The following NEMF variants were observed in gnomAD, a reference collection of about 807,000 sequenced individuals.
The protein encoded by NEMF is ribosome quality control complex subunit NEMF.
NEMF carries 89 observed loss-of-function variants against 162.2 expected under a neutral mutation model. That is an observed-to-expected ratio of 0.55 (90% confidence interval 0.46 to 0.65). The LOEUF (loss-of-function observed/expected upper bound fraction) is 0.65, where lower values mean the gene tolerates loss of function less well. Among genes scored for constraint, NEMF ranks in the 30% least tolerant of loss-of-function variants. NEMF has a pLI of 0.00. For missense variants in NEMF, 1,133 were observed against 1,261.9 expected (o/e 0.90, Z 1.55); for synonymous variants, 421 against 404.5 (o/e 1.04, Z -0.49).
chr14:49,799,024 G>A (rs1890822897), intron 25 of NEMF, among the ~76,000 whole-genome samples: 1 of 151,754 alleles, frequency 6.6e-6, no homozygotes, highest in Non-Finnish European at 1.5e-5. Context: ...GACCAGCCTG[G>A]GCAACATGAT....
Position 49,799,633 on chromosome 14 carries a change from T to C in NEMF, c.2415+3A>G. ...GTTCTTCATAAAACTGAAAATAGCT[T>C]ACAGAATTAGAAGATTCCTCTTTTG... On this transcript the variant is annotated splice_donor_region_variant and intron_variant, in intron 24 of 32. Coordinates refer to ENST00000298310, the MANE Select transcript of NEMF (RefSeq NM_004713.6). 6.2e-7 allele frequency: 1 copy of C among 1,609,266 alleles called. No individual in the cohort carries two copies. Among genetic ancestry groups the C allele is most frequent in the Non-Finnish European group, 8.5e-7 (1 of 1,178,656 alleles).
chr14:49,840,714 T>C lies in NEMF; in HGVS notation c.506+4A>G, dbSNP rs1195752635. The C allele has an allele frequency of 6.2e-7, 1 of 1,609,944 alleles. No individual in the cohort carries two copies. On this transcript the variant is annotated splice_donor_region_variant and intron_variant, in intron 5 of 32. Transcript: ENST00000298310. ...GAAATGGGTTTAAAAACAAAACACT[T>C]TACCTTTCCAAAGTAAGCAAAGGTT... is the stretch of plus-strand genomic sequence containing the variant.
chr14:49,788,307 G>A (rs1281160536), intron 28 of NEMF, among the ~76,000 whole-genome samples: 4 of 141,894 alleles, frequency 2.8e-5, no homozygotes, highest in Non-Finnish European at 6.1e-5. Context: ...TTCAAGAAGA[G>A]GTACATATTC....
chr14:49,838,992 T>G (rs1489206277), intron 5 of NEMF, among the ~76,000 whole-genome samples: 1 of 152,084 alleles, frequency 6.6e-6, no homozygotes, highest in Non-Finnish European at 1.5e-5. Flanking sequence ...CTAGACTAGA[T>G]CTACTGAATT....
chr14:49,806,194 T>TGAAAA, intron 18 of NEMF, 61 bp from the exon 19 acceptor site: 2 of 986,876 alleles, frequency 2.0e-6, no homozygotes, highest in South Asian at 2.7e-5. Flanking sequence ...GAGCAAGATA[T>TGAAAA]GAAAATCACA....
chr14:49,806,832 G>A (rs967817142), intron 18 of NEMF, among the ~76,000 whole-genome samples: 1 of 152,116 alleles, frequency 6.6e-6, no homozygotes, highest in Non-Finnish European at 1.5e-5. Flanking sequence ...GAGCATATAT[G>A]AATAACATGT....
At chr14:49,845,309 G>C (rs913598595) in intron 4 of NEMF, among the ~76,000 whole-genome samples, 3 of 151,926 alleles carry the variant, frequency 2.0e-5, no homozygotes. Flanking sequence ...GGCCAGGCTG[G>C]TCTTGAACTC....
At chr14:49,821,805 GA>G (rs1892073153) in intron 16 of NEMF, among the ~76,000 whole-genome samples, 2 of 151,978 alleles carry the variant, frequency 1.3e-5, no homozygotes, top group East Asian at 2.0e-4. Context: ...CGTCTGGGAG[GA>G]GGTACCCAAC....
At chr14:49,827,781 C>T (rs1033729923) in intron 15 of NEMF, among the ~76,000 whole-genome samples, 2 of 151,722 alleles carry the variant, frequency 1.3e-5, no homozygotes, top group African/African-American at 2.4e-5. Flanking sequence ...CCATTGCACT[C>T]CAGCCTGAGC....
intron 18 of NEMF, among the ~76,000 whole-genome samples, chr14:49,813,402 A>T (rs1891570498): frequency 6.6e-6 from 1 of 152,190 alleles, no homozygotes; most frequent in African/African-American, 2.4e-5. Context: ...AGTATTCTAG[A>T]GATGTCTGTT....
intron 4 of NEMF, among the ~76,000 whole-genome samples, chr14:49,841,584 A>G (rs930565750): frequency 5.5e-4 from 81 of 148,490 alleles, no homozygotes; most frequent in Non-Finnish European, 9.4e-4. Flanking sequence ...TTAAGAAAAA[A>G]AAAAAAAAAA....
chr14:49,803,489 G>GA (rs1030361593), intron 19 of NEMF, among the ~76,000 whole-genome samples, 195 bp from the exon 20 acceptor site: 1 of 147,794 alleles, frequency 6.8e-6, no homozygotes. Context: ...AAGTAACAAA[G>GA]AAAAAAACAA....
intron 19 of NEMF, among the ~76,000 whole-genome samples, chr14:49,804,679 A>AT (rs397820272): frequency 3.3e-5 from 5 of 150,302 alleles, no homozygotes; most frequent in Non-Finnish European, 7.4e-5. Flanking sequence ...AAAAAAAAAA[A>AT]TTTATACATC....
At chr14:49,818,403 T>G (rs937451501) in intron 16 of NEMF, 3 of 152,144 alleles carry the variant, frequency 2.0e-5, no homozygotes, top group Admixed American at 6.6e-5. Flanking sequence ...TGATCAGACT[T>G]AAGAAGCTGA....
chr14:49,836,633 G>C (rs143956056), intron 6 of NEMF, among the ~76,000 whole-genome samples: 8 of 152,014 alleles, frequency 5.3e-5, no homozygotes, highest in African/African-American at 1.7e-4. Flanking sequence ...GCAACAGAGC[G>C]AGACCCTTGG....
At chr14:49,841,755 T>C (rs996886498) in intron 4 of NEMF, among the ~76,000 whole-genome samples, 4 of 152,140 alleles carry the variant, frequency 2.6e-5, no homozygotes, top group South Asian at 2.1e-4. Context: ...TTTGGTAATG[T>C]AGCCCAATGA....
chr14:49,816,659 C>T (rs964669571), intron 16 of NEMF, among the ~76,000 whole-genome samples: 1 of 152,180 alleles, frequency 6.6e-6, no homozygotes, highest in African/African-American at 2.4e-5. Context: ...TGTTGAAATA[C>T]TGGAGGTGGG....
In NEMF at chr14:49,800,728, G is replaced by C. The variant is rs1209468231; in HGVS notation, c.2096-32C>G. ...AATTATCATAAGGAAAGTCAGTGTGGGACTACCAACCAAGCCAGGTGATTT... is the reference window on the plus strand; with the variant it reads ...AATTATCATAAGGAAAGTCAGTGTGCGACTACCAACCAAGCCAGGTGATTT... On this transcript the variant is annotated intron_variant, in intron 22 of 32. Coordinates refer to ENST00000298310, the MANE Select transcript of NEMF (RefSeq NM_004713.6). 3.8e-6 allele frequency: 6 copies of C among 1,587,302 alleles called. No homozygotes were observed. In the African/African-American group the frequency reaches 5.4e-5, roughly 14 times the overall value.
At chr14:49,786,053 T>C (rs1296725093) in intron 29 of NEMF, 1 of 152,414 alleles carries the variant, frequency 6.6e-6, no homozygotes, top group Non-Finnish European at 1.5e-5. Context: ...CCTGGGGAGA[T>C]TCTGCCCTCA....
Sources: allele counts gnomAD v4.1 joint callset (sites outside exome capture counted in the v4.1 genomes callset), GRCh38; gene constraint gnomAD v4.1.1; transcripts MANE v1.5; gene names NCBI Gene and HGNC (gene_info 2026-07-23, HGNC 2026-07-21).